Variants in INSL3 observed in about 807,000 individuals in gnomAD.
INSL3 encodes insulin like 3, also known as insulin-like 3.
INSL3 carries 6 observed loss-of-function variants against 5.5 expected under a neutral mutation model. That is an observed-to-expected ratio of 1.08 (90% CI 0.59 to 2.14). The LOEUF (loss-of-function observed/expected upper bound fraction) is 2.14, where lower values mean the gene tolerates loss of function less well. INSL3 is among the 30% of genes most tolerant of loss of function. The pLI is 0.00. For missense variants in INSL3, 178 were observed against 184.7 expected, an observed-to-expected ratio of 0.96 and a Z score of 0.21; for synonymous variants, 86 against 82.1, an observed-to-expected ratio of 1.05 and a Z score of -0.26.
At chr19:17,819,933 CAAA>C (rs34708745) in intron 1 of INSL3, among the ~76,000 whole-genome samples, 1 of 140,336 alleles carries the variant, frequency 7.1e-6, no homozygotes, top group Non-Finnish European at 1.6e-5. Context: ...ACTAAAAATA[CAAA>C]AAAAAAAAAA....
In INSL3 at chr19:17,821,043, A is replaced by AC; in HGVS notation, c.190+273dup. On this transcript the variant is annotated intron_variant, in intron 1 of 1. Transcript: ENST00000317306. Reference sequence around the variant, plus strand: ...ACCATTTTGGCCAGGCTGGTCTCGAACTCCTGACCTCTGGGGATCCACCCG... The same window carrying AC: ...ACCATTTTGGCCAGGCTGGTCTCGAACCTCCTGACCTCTGGGGATCCACCCG... 1.3e-5 allele frequency among the ~76,000 whole-genome samples: 2 copies of AC among 151,534 alleles called. 1 individual carries two copies. The highest frequency in any genetic ancestry group is 4.2e-4 in the South Asian group (2 of 4,802).
At chr19:17,820,569 G>A (rs1260902947) in intron 1 of INSL3, 15 of 199,144 alleles carry the variant, frequency 7.5e-5, no homozygotes, top group Non-Finnish European at 1.4e-4. Flanking sequence ...GAGGCAGGAG[G>A]ATGGTTTGAG....
At chr19:17,819,815 C>T (rs1421872148) in intron 1 of INSL3, among the ~76,000 whole-genome samples, 2 of 151,874 alleles carry the variant, frequency 1.3e-5, no homozygotes, top group African/African-American at 4.8e-5. Context: ...GCACTCCAGC[C>T]TGGGGGACAG....
chr19:17,820,495 G>A (rs766681870), intron 1 of INSL3: 12 of 276,064 alleles, frequency 4.3e-5, no homozygotes, highest in East Asian at 1.5e-4. Flanking sequence ...CCCTCTCTAC[G>A]AAAAAGAAAA....
At chr19:17,818,273 C>T (rs2094190763) in intron 1 of INSL3, among the ~76,000 whole-genome samples, 1 of 152,128 alleles carries the variant, frequency 6.6e-6, no homozygotes, top group Non-Finnish European at 1.5e-5. Flanking sequence ...TATATCCCTG[C>T]ACCAGGGCCA....
Position 17,816,844 on chromosome 19 carries a change from C to A in INSL3, c.*10G>T. The A allele has an allele frequency of 6.2e-7, 1 of 1,612,670 alleles. No homozygotes were observed. Among genetic ancestry groups the A allele is most frequent in the South Asian group, 1.1e-5 (1 of 91,032 alleles). Reference sequence around the variant, plus strand: ...CCTCAGGCCACTCTGAGGCTGCACCCAAGGAGGAATCAGTAGGGACAGAGG... The same window carrying A: ...CCTCAGGCCACTCTGAGGCTGCACCAAAGGAGGAATCAGTAGGGACAGAGG... On this transcript the variant is annotated 3_prime_UTR_variant, in exon 2 of 2. Transcript: ENST00000317306.
Position 17,816,907 on chromosome 19 carries a change from A to C in INSL3, c.343T>G (p.Cys115Gly), listed in dbSNP as rs2094188483. 2 of 1,614,124 alleles carry C rather than the reference A, an allele frequency of 1.2e-6. No individual in the cohort carries two copies. Among genetic ancestry groups the C allele is most frequent in the East Asian group, 2.2e-5 (1 of 44,878 alleles). Residue 115 changes from cysteine to glycine, a missense_variant, in exon 2 of 2, where the codon TGC becomes GGC. Cys to Gly is a radical substitution (Grantham distance 159). Coordinates refer to ENST00000317306, the MANE Select transcript of INSL3 (RefSeq NM_005543.4). ...RAAATNPARY[C>G]CLSGCTQQDL... Reference sequence around the variant, plus strand: ...TGTTGGGTACAGCCACTGAGGCAGCAGTAGCGTGCAGGGTTGGTGGCAGCT... The same window carrying C: ...TGTTGGGTACAGCCACTGAGGCAGCCGTAGCGTGCAGGGTTGGTGGCAGCT...
intron 1 of INSL3, among the ~76,000 whole-genome samples, chr19:17,817,795 CA>C (rs58956953): frequency 1.4e-3 from 58 of 40,314 alleles, no homozygotes; most frequent in South Asian, 4.5e-3. Context: ...AACTCCATCT[CA>C]AAAAAAAAAA....
intron 1 of INSL3, among the ~76,000 whole-genome samples, chr19:17,820,764 T>C (rs1218863133): frequency 6.6e-6 from 1 of 151,862 alleles, no homozygotes; most frequent in East Asian, 1.9e-4. Flanking sequence ...CTACCTCTCC[T>C]GCCTCACTCT....
chr19:17,819,933 CA>C (rs34708745), intron 1 of INSL3, among the ~76,000 whole-genome samples: 51,908 of 140,184 alleles, frequency 0.37, 9,485 homozygotes, highest in African/African-American at 0.41. Context: ...ACTAAAAATA[CA>C]AAAAAAAAAA....
intron 1 of INSL3, among the ~76,000 whole-genome samples, chr19:17,818,530 C>T (rs574177693): frequency 7.2e-5 from 11 of 151,890 alleles, no homozygotes; most frequent in Middle Eastern, 3.4e-3. Context: ...GTGGGAGGAT[C>T]GCTTGAGCCT....
In INSL3 at chr19:17,816,924, G is replaced by C; in HGVS notation, c.326C>G (p.Thr109Ser). The C allele has an allele frequency of 6.2e-7, 1 of 1,614,160 alleles. No homozygotes were observed. Among genetic ancestry groups the C allele is most frequent in the Non-Finnish European group, 8.5e-7 (1 of 1,180,040 alleles). The change falls in exon 2 of 2, where the codon ACC (threonine) becomes AGC (serine). Residue 109 changes from threonine (T) to serine (S), a missense_variant. Coordinates refer to ENST00000317306, the MANE Select transcript of INSL3 (RefSeq NM_005543.4). The part of the protein sequence containing the change: ...HHHRHHRAAA[T>S]NPARYCCLSG... The stretch of plus-strand genomic sequence containing the variant: ...GAGGCAGCAGTAGCGTGCAGGGTTG[G>C]TGGCAGCTGCACGGTGGTGGCGGTG...
intron 1 of INSL3, among the ~76,000 whole-genome samples, chr19:17,819,248 T>A (rs907391854): frequency 2.7e-5 from 4 of 147,986 alleles, no homozygotes; most frequent in Non-Finnish European, 4.5e-5. Flanking sequence ...TATATATATA[T>A]AATAATAATA....
intron 1 of INSL3, among the ~76,000 whole-genome samples, chr19:17,817,955 A>C (rs912398271): frequency 2.7e-4 from 41 of 152,014 alleles, no homozygotes; most frequent in African/African-American, 9.6e-4. Context: ...CTGCCCAGGG[A>C]GTGTCGGGGG....
intron 1 of INSL3, among the ~76,000 whole-genome samples, chr19:17,820,883 G>A (rs2094194564): frequency 6.6e-6 from 1 of 150,498 alleles, no homozygotes; most frequent in African/African-American, 2.4e-5. Context: ...GCATGATATC[G>A]GCCCACTGCA....
intron 1 of INSL3, chr19:17,820,532 A>C (rs1599857920): frequency 4.4e-6 from 1 of 229,782 alleles, no homozygotes. Flanking sequence ...TGGTGGCAGC[A>C]CCTGTATCCC....
chr19:17,817,353 C>T (rs1442299727), intron 1 of INSL3, among the ~76,000 whole-genome samples: 117 of 150,112 alleles, frequency 7.8e-4, no homozygotes, highest in Non-Finnish European at 7.4e-5. Flanking sequence ...GGTGTGGTGG[C>T]GGGCGCCTGT....
Position 17,817,063 on chromosome 19 carries a change from G to C in INSL3, c.191-4C>G, listed in dbSNP as rs1263048895. 1 of 1,612,198 alleles carries C rather than the reference G, an allele frequency of 6.2e-7. No individual in the cohort carries two copies. The highest frequency in any genetic ancestry group is 8.5e-7 in the Non-Finnish European group (1 of 1,179,674). ...TCCAGCCACTGTAGCAACTCACCTG[G>C]GGACAGAGTGAAACTCAGCTGGAAC... is the stretch of plus-strand genomic sequence containing the variant. On this transcript the variant is annotated splice_region_variant and splice_polypyrimidine_tract_variant and intron_variant, in intron 1 of 1. Coordinates refer to ENST00000317306, the MANE Select transcript of INSL3 (RefSeq NM_005543.4).
Position 17,816,879 on chromosome 19 carries a change from T to C in INSL3, c.371A>G (p.Asp124Gly). The change falls in exon 2 of 2, where the codon GAC becomes GGC. Residue 124 changes from aspartate (D) to glycine (G), a missense_variant. By Grantham distance (94) the Asp-to-Gly change is moderately conservative. Transcript: ENST00000317306. ...YCCLSGCTQQ[D>G]LLTLCPY ...TCAGTAGGGACAGAGGGTCAGCAGG[T>C]CTTGTTGGGTACAGCCACTGAGGCA... The C allele has an allele frequency of 6.2e-7, 1 of 1,613,720 alleles. No individual in the cohort carries two copies. Among genetic ancestry groups the C allele is most frequent in the Admixed American group, 1.7e-5 (1 of 59,992 alleles).
Sources: allele counts gnomAD v4.1 joint callset (sites outside exome capture counted in the v4.1 genomes callset), GRCh38; gene constraint gnomAD v4.1.1; transcripts MANE v1.5; gene names NCBI Gene and HGNC (gene_info 2026-07-23, HGNC 2026-07-21).